Variants in GPC6 observed in about 807,000 individuals in gnomAD.
The protein encoded by GPC6 is glypican 6, also known as glypican-6.
In GPC6, 14 loss-of-function variants were observed where a neutral mutation model predicts 55.2. The observed-to-expected ratio is 0.25, with a 90% CI of 0.17 to 0.40. GPC6 has a LOEUF of 0.40. GPC6 is among the 10% of genes least tolerant of loss of function. The probability of loss-of-function intolerance (pLI) is 1.00; values close to 1 mark genes in which losing one functional copy is unlikely to be tolerated. For synonymous variants in GPC6, 278 were observed against 259.6 expected, an observed-to-expected ratio of 1.07 and a Z score of -0.68; for missense variants, 641 against 708.5, an observed-to-expected ratio of 0.90 and a Z score of 1.08.
chr13:94,137,205 G>C (rs1887215583), intron 4 of GPC6, among the ~76,000 whole-genome samples: 1 of 152,160 alleles, frequency 6.6e-6, no homozygotes, highest in Non-Finnish European at 1.5e-5. Flanking sequence ...TCCAGCAATT[G>C]AATACATGAT....
chr13:93,389,898 T>C (rs1191945995), intron 1 of GPC6, among the ~76,000 whole-genome samples: 1 of 152,180 alleles, frequency 6.6e-6, no homozygotes, highest in Non-Finnish European at 1.5e-5. Context: ...CTGCACATGA[T>C]ATTCCTGGGT....
At chr13:94,314,592 T>C (rs922540371) in intron 6 of GPC6, among the ~76,000 whole-genome samples, 1 of 152,236 alleles carries the variant, frequency 6.6e-6, no homozygotes, top group African/African-American at 2.4e-5. Context: ...TTTAAAAATA[T>C]TTGTTCATGA....
chr13:93,768,342 C>A (rs1885187758), intron 2 of GPC6, among the ~76,000 whole-genome samples: 1 of 152,102 alleles, frequency 6.6e-6, no homozygotes, highest in Non-Finnish European at 1.5e-5. Flanking sequence ...AGATTAAGTC[C>A]TTAGTGTCAC....
intron 4 of GPC6, among the ~76,000 whole-genome samples, chr13:94,150,814 G>GTATATA (rs34636081): frequency 0.039 from 3,911 of 100,648 alleles, 441 homozygotes; most frequent in African/African-American, 0.083. Context: ...GAGATCAGCA[G>GTATATA]TATATATATA....
the GPC6 span, among the ~76,000 whole-genome samples, chr13:93,219,322 G>A: frequency 2.0e-5 from 3 of 152,086 alleles, no homozygotes; most frequent in Admixed American, 6.6e-5. Context: ...TTGAACTCCT[G>A]ATCTCATGAT....
chr13:94,013,613 G>C (rs1431301201), intron 3 of GPC6, among the ~76,000 whole-genome samples: 1 of 152,126 alleles, frequency 6.6e-6, no homozygotes, highest in Non-Finnish European at 1.5e-5. Flanking sequence ...GCCTCCCAAA[G>C]GGCTGGGATT....
intron 2 of GPC6, among the ~76,000 whole-genome samples, chr13:93,605,554 C>A (rs1008773236): frequency 6.6e-6 from 1 of 152,006 alleles, no homozygotes; most frequent in Non-Finnish European, 1.5e-5. Flanking sequence ...TGAAGGCTGG[C>A]TGGGTGCCGT....
At chr13:93,900,402 T>C (rs1876279739) in intron 3 of GPC6, among the ~76,000 whole-genome samples, 1 of 152,128 alleles carries the variant, frequency 6.6e-6, no homozygotes, top group Non-Finnish European at 1.5e-5. Context: ...TTTGAGTCTC[T>C]AAAGTTGTAA....
At chr13:93,550,689 A>G (rs1165597672) in intron 2 of GPC6, among the ~76,000 whole-genome samples, 2 of 152,032 alleles carry the variant, frequency 1.3e-5, no homozygotes, top group African/African-American at 2.4e-5. Context: ...TATATGGCCT[A>G]ATTTTCTCAG....
intron 4 of GPC6, among the ~76,000 whole-genome samples, chr13:94,226,663 A>G (rs561455969): frequency 1.8e-4 from 27 of 152,316 alleles, no homozygotes; most frequent in African/African-American, 6.3e-4. Context: ...CTCTTACTGC[A>G]TGACGGTTTC....
intron 3 of GPC6, among the ~76,000 whole-genome samples, chr13:93,910,417 A>T (rs1188220968): frequency 6.6e-6 from 1 of 151,976 alleles, no homozygotes; most frequent in Non-Finnish European, 1.5e-5. Context: ...CTAGTCTCAG[A>T]TATATCTTTA....
At chr13:93,440,254 GA>G (rs1237666047) in intron 1 of GPC6, among the ~76,000 whole-genome samples, 1 of 152,082 alleles carries the variant, frequency 6.6e-6, no homozygotes, top group Non-Finnish European at 1.5e-5. Flanking sequence ...ATGATTTCTG[GA>G]ACTCCCTGTC....
intron 2 of GPC6, among the ~76,000 whole-genome samples, chr13:93,794,014 A>G (rs1048854509): frequency 2.0e-5 from 3 of 152,128 alleles, no homozygotes; most frequent in Non-Finnish European, 4.4e-5. Context: ...CTTTGCTTTG[A>G]CATAGGGATT....
chr13:93,622,008 C>T (rs1878973644), intron 2 of GPC6, among the ~76,000 whole-genome samples: 1 of 151,980 alleles, frequency 6.6e-6, no homozygotes, highest in African/African-American at 2.4e-5. Context: ...CTTTTTCCAC[C>T]CCAGCTGCCA....
At chr13:93,434,056 G>A (rs1162821144) in intron 1 of GPC6, among the ~76,000 whole-genome samples, 1 of 152,110 alleles carries the variant, frequency 6.6e-6, no homozygotes, top group Admixed American at 6.6e-5. Context: ...AAATGAAGGG[G>A]TCCAAAGCAT....
intron 3 of GPC6, among the ~76,000 whole-genome samples, chr13:93,971,081 A>G (rs1215545758): frequency 1.3e-5 from 2 of 152,240 alleles, no homozygotes. Context: ...AAATTATTCT[A>G]CACTGAGGAT....
intron 2 of GPC6, among the ~76,000 whole-genome samples, chr13:93,575,521 G>A (rs1876616346): frequency 6.6e-6 from 1 of 152,244 alleles, no homozygotes; most frequent in East Asian, 1.9e-4. Flanking sequence ...TGAGTAACAA[G>A]TTCCCAGATT....
intron 2 of GPC6, among the ~76,000 whole-genome samples, chr13:93,587,940 C>T (rs1877282116): frequency 6.6e-6 from 1 of 152,232 alleles, no homozygotes; most frequent in Non-Finnish European, 1.5e-5. Context: ...CTCCAGCCTA[C>T]AGTCCACCAT....
chr13:94,352,052 A>T (rs1415843634), intron 6 of GPC6, among the ~76,000 whole-genome samples: 9 of 151,902 alleles, frequency 5.9e-5, no homozygotes, highest in African/African-American at 2.2e-4. Flanking sequence ...ATGCTTTTTC[A>T]CATGTTCTAC....
Sources: allele counts gnomAD v4.1 joint callset (sites outside exome capture counted in the v4.1 genomes callset), GRCh38; gene constraint gnomAD v4.1.1; transcripts MANE v1.5; gene names NCBI Gene and HGNC (gene_info 2026-07-23, HGNC 2026-07-21).